C6orf52: variants seen among roughly 807,000 people sequenced by gnomAD.
C6orf52 encodes chromosome 6 open reading frame 52, also known as putative uncharacterized protein C6orf52.
In C6orf52, 16 loss-of-function variants were observed where a neutral mutation model predicts 16.6. That is an observed-to-expected ratio of 0.96 (90% CI 0.65 to 1.46). The LOEUF is 1.46. Ranked by LOEUF, C6orf52 falls within the 40% of genes most tolerant of loss-of-function variation. The pLI is 0.00. For missense variants in C6orf52, 166 were observed against 182.3 expected (o/e 0.91, Z 0.52); for synonymous variants, 53 against 61.4 (o/e 0.86, Z 0.64).
At chr6:10,682,587 A>T (rs1190945464) in intron 4 of C6orf52, among the ~76,000 whole-genome samples, 1 of 152,236 alleles carries the variant, frequency 6.6e-6, no homozygotes, top group African/African-American at 2.4e-5. Flanking sequence ...CAAACATGTG[A>T]TAAGACAGAC....
At chr6:10,684,102 T>C (rs1214044824) in intron 3 of C6orf52, among the ~76,000 whole-genome samples, 1 of 152,198 alleles carries the variant, frequency 6.6e-6, no homozygotes, top group Admixed American at 6.5e-5. Context: ...ATAGGTTATA[T>C]AGTTACCATA....
At chr6:10,676,367 T>G (rs1767880848) in intron 4 of C6orf52, among the ~76,000 whole-genome samples, 1 of 152,184 alleles carries the variant, frequency 6.6e-6, no homozygotes, top group Admixed American at 6.5e-5. Context: ...AGGTTTTGCT[T>G]TTCATGAACA....
chr6:10,691,059 C>T (rs925920393), intron 1 of C6orf52, among the ~76,000 whole-genome samples: 2 of 152,222 alleles, frequency 1.3e-5, no homozygotes, highest in Admixed American at 1.3e-4. Context: ...AAAAGAGCAG[C>T]ATTGCTGGCT....
At chr6:10,686,585 TAA>T (rs33969501) in intron 3 of C6orf52, among the ~76,000 whole-genome samples, 5,110 of 152,294 alleles carry the variant, frequency 0.034, 262 homozygotes, top group African/African-American at 0.11. Flanking sequence ...TATATAGTGT[TAA>T]AGAGTAAAAT....
At chr6:10,675,753 T>C (rs1767818945) in intron 4 of C6orf52, among the ~76,000 whole-genome samples, 1 of 152,220 alleles carries the variant, frequency 6.6e-6, no homozygotes, top group African/African-American at 2.4e-5. Flanking sequence ...TACTGTGGTT[T>C]TAATTTACAG....
At chr6:10,687,207 C>T in intron 2 of C6orf52, 43 bp from the exon 3 acceptor site, 1 of 1,342,228 alleles carries the variant, frequency 7.5e-7, no homozygotes, top group Non-Finnish European at 1.0e-6. Context: ...GAATCATCCA[C>T]AAACCCCCAA....
chr6:10,671,717 G>A (rs1767438568), intron 4 of C6orf52, 119 bp from the exon 5 acceptor site: 1 of 562,024 alleles, frequency 1.8e-6, no homozygotes, highest in Non-Finnish European at 2.9e-6. Context: ...GATAGTAAAG[G>A]TTAAAATTCT....
intron 4 of C6orf52, among the ~76,000 whole-genome samples, chr6:10,675,900 G>A (rs1432062798): frequency 6.6e-6 from 1 of 152,204 alleles, no homozygotes; most frequent in Non-Finnish European, 1.5e-5. Flanking sequence ...GGGAGGCCAA[G>A]GTGGGTGGAT....
chr6:10,681,198 G>C (rs778700395), intron 4 of C6orf52, among the ~76,000 whole-genome samples: 1 of 152,266 alleles, frequency 6.6e-6, no homozygotes, highest in African/African-American at 2.4e-5. Flanking sequence ...GTGGTAGATT[G>C]TATGTGTCCA....
chr6:10,691,519 G>T (rs1044285516), intron 1 of C6orf52, among the ~76,000 whole-genome samples: 5 of 152,080 alleles, frequency 3.3e-5, no homozygotes, highest in Non-Finnish European at 5.9e-5. Flanking sequence ...AACCGATTAG[G>T]TCAGGGGTCG....
At chr6:10,672,616 G>T in intron 4 of C6orf52, 1 of 699,956 alleles carries the variant, frequency 1.4e-6, no homozygotes, top group Non-Finnish European at 2.6e-6. Context: ...AGATCAGCCT[G>T]GGCAACATAC....
intron 1 of C6orf52, among the ~76,000 whole-genome samples, chr6:10,689,039 A>G (rs1338312154): frequency 6.6e-6 from 1 of 152,110 alleles, no homozygotes; most frequent in Non-Finnish European, 1.5e-5. Flanking sequence ...GGGCAGTGGC[A>G]TGATCTCTCC....
chr6:10,694,357 G>A (rs1668644197), intron 1 of C6orf52, 137 bp downstream of exon 1: 1 of 152,782 alleles, frequency 6.5e-6, no homozygotes, highest in Admixed American at 6.6e-5. Flanking sequence ...AGCAGACAGA[G>A]AAAGTGTGCA....
chr6:10,689,616 G>A (rs1431493307), intron 1 of C6orf52, among the ~76,000 whole-genome samples: 1 of 152,174 alleles, frequency 6.6e-6, no homozygotes, highest in African/African-American at 2.4e-5. Flanking sequence ...AACAGAACTA[G>A]TAGAAGGGGA....
chr6:10,691,452 A>G (rs1769298670), intron 1 of C6orf52, among the ~76,000 whole-genome samples: 1 of 152,162 alleles, frequency 6.6e-6, no homozygotes, highest in Non-Finnish European at 1.5e-5. Flanking sequence ...GGAACAGAAC[A>G]GGACAGGGAT....
At chr6:10,681,633 C>T (rs1441685887) in intron 4 of C6orf52, among the ~76,000 whole-genome samples, 1 of 152,242 alleles carries the variant, frequency 6.6e-6, no homozygotes, top group Non-Finnish European at 1.5e-5. Flanking sequence ...AGCATACCCA[C>T]ACTTCCTATA....
chr6:10,694,598 A>AGTTGGGTGT lies in C6orf52; in HGVS notation c.-117_-116insACACCCAAC. 1 of 172,156 alleles carries AGTTGGGTGT rather than the reference A, an allele frequency of 5.8e-6. No homozygotes were observed. The highest frequency in any genetic ancestry group is 1.2e-4 in the South Asian group (1 of 8,516). The allele number at this position is 172,156 out of a possible 1,614,324, so 10.7% of individuals were successfully genotyped here. ...GCACGCTGCCGGCGCTACAGCCCCT[A>AGTTGGGTGT]AGCAACCGGCCGGAAGTCGGCCCCA... On this transcript the variant is annotated 5_prime_UTR_variant, in exon 1 of 5. Coordinates refer to ENST00000259983, the MANE Select transcript of C6orf52 (RefSeq NM_001145020.3).
chr6:10,674,733 A>C (rs1435666169), intron 4 of C6orf52: 1 of 151,972 alleles, frequency 6.6e-6, no homozygotes, highest in Non-Finnish European at 1.5e-5. Context: ...CTGACTGAAC[A>C]ACCAATTGCG....
rs1581575718 is a variant in C6orf52, at chr6:10,694,523, T to A, written c.-41A>T. 6.4e-6 allele frequency: 1 copy of A among 156,238 alleles called. No homozygotes were observed. The highest frequency in any genetic ancestry group is 2.4e-5 in the African/African-American group (1 of 41,470). 9.7% of individuals were successfully genotyped at this position (156,238 alleles called of 1,614,324 possible). On this transcript the variant is annotated 5_prime_UTR_variant, in exon 1 of 5. Transcript: ENST00000259983. The stretch of plus-strand genomic sequence containing the variant: ...TTAACGACAGAAAGCCTCGTTCCGC[T>A]GGTCCCTGAACAAAAACTCCTACCC...
Sources: gnomAD v4.1 joint callset for allele counts (sites outside exome capture counted in the v4.1 genomes callset) on GRCh38, gnomAD v4.1.1 for gene constraint, MANE v1.5 for transcripts, NCBI Gene and HGNC (gene_info 2026-07-23, HGNC 2026-07-21) for gene names.